The following PALM2AKAP2 variants were observed in gnomAD, a reference collection of about 807,000 sequenced individuals.
The protein encoded by PALM2AKAP2 is PALM2-AKAP2 fusion protein.
In PALM2AKAP2, 37 loss-of-function variants were observed where a neutral mutation model predicts 71.5. That is an observed-to-expected ratio of 0.52 (90% CI 0.40 to 0.68). The LOEUF (loss-of-function observed/expected upper bound fraction) is 0.68, where lower values mean the gene tolerates loss of function less well. PALM2AKAP2 is among the 30% of genes least tolerant of loss of function. PALM2AKAP2 has a pLI of 0.00. For missense variants in PALM2AKAP2, 1,224 were observed against 1,191.8 expected (o/e 1.03, Z -0.40); for synonymous variants, 468 against 478.8 (o/e 0.98, Z 0.29).
At chr9:110,090,833 T>C (rs1217574542) in intron 1 of PALM2AKAP2, among the ~76,000 whole-genome samples, 1 of 152,240 alleles carries the variant, frequency 6.6e-6, no homozygotes. Context: ...ACCTGATGTT[T>C]TAATGCTGTG....
intron 1 of PALM2AKAP2, among the ~76,000 whole-genome samples, chr9:109,662,819 G>T (rs1827419688): frequency 6.6e-6 from 1 of 152,098 alleles, no homozygotes; most frequent in Non-Finnish European, 1.5e-5. Flanking sequence ...TGGTTGGTAG[G>T]CTATTAATTA....
At chr9:110,089,221 A>G (rs1437271541) in intron 1 of PALM2AKAP2, among the ~76,000 whole-genome samples, 2 of 152,212 alleles carry the variant, frequency 1.3e-5, no homozygotes, top group Non-Finnish European at 2.9e-5. Flanking sequence ...TGGAGAGCAC[A>G]TGTATGCATT....
chr9:109,864,647 C>T (rs1012634020), intron 1 of PALM2AKAP2, among the ~76,000 whole-genome samples: 1 of 152,226 alleles, frequency 6.6e-6, no homozygotes, highest in African/African-American at 2.4e-5. Context: ...CACAGCCACA[C>T]TCATTCATTT....
In PALM2AKAP2 at chr9:109,989,779, C is replaced by T. The variant is rs561783485; in HGVS notation, c.497-26175C>T. ...GTGGGTCCATCACAGTCTGTCCATTCTTGTCCCATCTAAGATATAAGTTGT... is the reference window on the plus strand; with the variant it reads ...GTGGGTCCATCACAGTCTGTCCATTTTTGTCCCATCTAAGATATAAGTTGT... On this transcript the variant is annotated intron_variant, in intron 6 of 9. Transcript: ENST00000302798. 2.0e-5 allele frequency among the ~76,000 whole-genome samples: 3 copies of T among 152,322 alleles called. No homozygotes were observed. In the East Asian group the frequency reaches 5.8e-4, roughly 29 times the overall value.
At chr9:109,823,842 A>G (rs972736028) in intron 1 of PALM2AKAP2, among the ~76,000 whole-genome samples, 2 of 152,242 alleles carry the variant, frequency 1.3e-5, no homozygotes, top group African/African-American at 2.4e-5. Context: ...CTTAACAAAC[A>G]GAAAGAAGTA....
At chr9:109,901,106 G>C (rs1830322503) in intron 3 of PALM2AKAP2, among the ~76,000 whole-genome samples, 1 of 152,166 alleles carries the variant, frequency 6.6e-6, no homozygotes, top group African/African-American at 2.4e-5. Flanking sequence ...GTCCTTCCTT[G>C]ACCTCAGTGA....
chr9:110,071,577 G>A (rs1353209473), intron 1 of PALM2AKAP2, among the ~76,000 whole-genome samples: 1 of 152,128 alleles, frequency 6.6e-6, no homozygotes, highest in African/African-American at 2.4e-5. Flanking sequence ...ATGGATACAT[G>A]TCCTCTGTAA....
At chr9:110,088,701 G>GTGTTT (rs1202947787) in intron 1 of PALM2AKAP2, among the ~76,000 whole-genome samples, 23 of 65,694 alleles carry the variant, frequency 3.5e-4, no homozygotes, top group East Asian at 8.8e-4. Context: ...TTGCATTTAC[G>GTGTTT]TGTTTTTTTT....
At chr9:109,826,753 G>A (rs1828160290) in intron 1 of PALM2AKAP2, among the ~76,000 whole-genome samples, 1 of 152,138 alleles carries the variant, frequency 6.6e-6, no homozygotes, top group Non-Finnish European at 1.5e-5. Context: ...TGTGAATGGA[G>A]AGTGGATGTG....
intron 2 of PALM2AKAP2, among the ~76,000 whole-genome samples, chr9:109,879,128 C>T (rs1026639065): frequency 3.4e-4 from 52 of 152,298 alleles, no homozygotes; most frequent in African/African-American, 1.2e-3. Flanking sequence ...GTGCATCCTT[C>T]GCTCATAAGA....
Position 110,004,184 on chromosome 9 carries a change from C to T in PALM2AKAP2, c.497-11770C>T, listed in dbSNP as rs186610913. ...GGCTGGTACCAGTTTTTCCTTTCCA[C>T]GTTTAGTGCTTCCTTCAGGAGCTCT... is the stretch of plus-strand genomic sequence containing the variant. On this transcript the variant is annotated intron_variant, in intron 6 of 9. Coordinates refer to the PALM2AKAP2 transcript ENST00000302798. Among the ~76,000 whole-genome samples the T allele has an allele frequency of 1.6e-4, 24 of 152,228 alleles. No individual in the cohort carries two copies. In the East Asian group the frequency reaches 1.7e-3, roughly 11 times the overall value.
At chr9:110,160,404 A>C (rs1779578726) in intron 3 of PALM2AKAP2, among the ~76,000 whole-genome samples, 1 of 152,248 alleles carries the variant, frequency 6.6e-6, no homozygotes, top group African/African-American at 2.4e-5. Flanking sequence ...ATAATGGACT[A>C]GTGAATCCTA....
rs1053063980 is a variant in PALM2AKAP2 at position 110,049,113 on chromosome 9, C to T, written c.156+258C>T. ...AAGCCTTTGGCTGCTTTGTTCAATG[C>T]TTATCATTTATATATGCTTTAAAAA... is the stretch of plus-strand genomic sequence containing the variant. On this transcript the variant is annotated intron_variant, in intron 1 of 3. Transcript: ENST00000374525. Among the ~76,000 whole-genome samples the T allele has an allele frequency of 2.0e-5, 3 of 152,200 alleles. No homozygotes were observed. The East Asian group carries it at 5.8e-4, about 29-fold the overall frequency.
chr9:109,962,530 A>T (rs1000093467), intron 6 of PALM2AKAP2, among the ~76,000 whole-genome samples: 3 of 152,232 alleles, frequency 2.0e-5, no homozygotes, highest in African/African-American at 7.2e-5. Context: ...TACTTTACCA[A>T]AAAAGTTTAC....
Position 109,969,138 on chromosome 9 carries a change from G to A in PALM2AKAP2, c.496+37110G>A, listed in dbSNP as rs146539300. Among the ~76,000 whole-genome samples the A allele has an allele frequency of 5.1e-3, 750 of 146,086 alleles. 8 individuals are homozygous for A. Among genetic ancestry groups the A allele is most frequent in the African/African-American group, 0.018 (738 of 40,934 alleles). On this transcript the variant is annotated intron_variant, in intron 6 of 9. Coordinates refer to the PALM2AKAP2 transcript ENST00000302798. ...CGACTCCCAGAAAGGACCCTCTGAAGACAGGACATTTCAGCTGACATCTGA... is the reference window on the plus strand; with the variant it reads ...CGACTCCCAGAAAGGACCCTCTGAAAACAGGACATTTCAGCTGACATCTGA...
chr9:109,904,731 G>A (rs1184559463), intron 3 of PALM2AKAP2, among the ~76,000 whole-genome samples: 1 of 152,216 alleles, frequency 6.6e-6, no homozygotes, highest in African/African-American at 2.4e-5. Flanking sequence ...AGCCAAGCCA[G>A]CGGGAAGAGG....
chr9:110,132,032 C>CGTGTGTGT lies in PALM2AKAP2; in HGVS notation c.157-4063_157-4056dup, dbSNP rs3063946. Among the ~76,000 whole-genome samples the CGTGTGTGT allele has an allele frequency of 8.6e-3, 1,265 of 147,506 alleles. 13 individuals carry two copies. The highest frequency in any genetic ancestry group is 0.026 in the African/African-American group (1,035 of 39,934). On this transcript the variant is annotated intron_variant, in intron 1 of 3. Transcript: ENST00000374525. ...ACTTTGACTTTTAACAAGTAACTAG[C>CGTGTGTGT]GTGTGTGTGTGTGTGTGTGTGTGTG...
intron 7 of PALM2AKAP2, 76 bp downstream of exon 7, chr9:110,016,115 G>C (rs967012920): frequency 7.0e-7 from 1 of 1,423,922 alleles, no homozygotes; most frequent in East Asian, 2.3e-5. Flanking sequence ...TTTTTCTGGG[G>C]GCAAAATGAA....
intron 6 of PALM2AKAP2, among the ~76,000 whole-genome samples, chr9:109,957,424 T>C (rs140291100): frequency 6.6e-6 from 1 of 152,334 alleles, no homozygotes; most frequent in Non-Finnish European, 1.5e-5. Flanking sequence ...GACTTCTTGG[T>C]TGACTCTTGA....
Sources: gnomAD v4.1 joint callset for allele counts (sites outside exome capture counted in the v4.1 genomes callset) on GRCh38, gnomAD v4.1.1 for gene constraint, MANE v1.5 for transcripts, NCBI Gene and HGNC (gene_info 2026-07-23, HGNC 2026-07-21) for gene names.